Variants in BOLL observed in about 807,000 individuals in gnomAD.
BOLL encodes protein boule-like.
A neutral mutation model predicts 44.4 loss-of-function variants in BOLL; 23 were observed. The ratio of observed to expected loss-of-function variants is 0.52; its 90% CI spans 0.37 to 0.73. BOLL has a LOEUF of 0.73. Among genes scored for constraint, BOLL ranks in the 30% least tolerant of loss-of-function variants. The pLI is 0.00. For missense variants in BOLL, 287 were observed against 338.3 expected (o/e 0.85, Z 1.19); for synonymous variants, 97 against 110.8 (o/e 0.88, Z 0.78).
intron 7 of BOLL, chr2:197,759,059 C>A: frequency 1.4e-6 from 2 of 1,419,484 alleles, no homozygotes; most frequent in South Asian, 1.3e-5. Flanking sequence ...CCAGAGATGC[C>A]TAGCATTCAT....
chr2:197,728,906 CTTG>C (rs1686977793), intron 10 of BOLL, among the ~76,000 whole-genome samples: 1 of 152,166 alleles, frequency 6.6e-6, no homozygotes, highest in African/African-American at 2.4e-5. Context: ...GTCTTAAAAA[CTTG>C]TTTTTAAAAG....
At chr2:197,743,035 G>T in intron 10 of BOLL, 26 bp downstream of exon 10, 1 of 1,513,560 alleles carries the variant, frequency 6.6e-7, no homozygotes, top group Non-Finnish European at 8.9e-7. Context: ...GAAAAACAAA[G>T]TAAAAAGTCA....
At chr2:197,775,346 A>T (rs957948631) in intron 5 of BOLL, among the ~76,000 whole-genome samples, 8 of 151,878 alleles carry the variant, frequency 5.3e-5, no homozygotes, top group African/African-American at 1.9e-4. Context: ...CTCATTAGTA[A>T]GTCTAAATTA....
chr2:197,736,361 G>A (rs1167702292), intron 10 of BOLL, among the ~76,000 whole-genome samples: 1 of 152,042 alleles, frequency 6.6e-6, no homozygotes, highest in Non-Finnish European at 1.5e-5. Context: ...TGGAGAATAA[G>A]GAGACATGAC....
intron 1 of BOLL, 198 bp downstream of exon 1, chr2:197,784,858 A>G: frequency 1.0e-6 from 1 of 987,518 alleles, no homozygotes; most frequent in Non-Finnish European, 1.2e-6. Context: ...ATAATTCCGC[A>G]TGTGTTACGG....
At chr2:197,757,318 G>C in intron 8 of BOLL, 35 bp downstream of exon 8, 1 of 1,556,638 alleles carries the variant, frequency 6.4e-7, no homozygotes, top group Non-Finnish European at 8.8e-7. Flanking sequence ...AATGAAAGAA[G>C]GATTTAAAAT....
At chr2:197,785,436 C>T (rs376875398), upstream of BOLL, 14 of 955,460 alleles carry the variant, frequency 1.5e-5, no homozygotes, top group Non-Finnish European at 1.7e-5. This position sits in a 1 kb window ranked among gnomAD's most constrained non-coding sequence, Gnocchi z 6.7. Context: ...CTTCACTTCC[C>T]CAAGTCCACC....
At chr2:197,728,982 C>G (rs921588279) in intron 10 of BOLL, among the ~76,000 whole-genome samples, 1 of 152,098 alleles carries the variant, frequency 6.6e-6, no homozygotes, top group Non-Finnish European at 1.5e-5. Context: ...CCAAGATGGC[C>G]GAATAGGAAC....
intron 3 of BOLL, among the ~76,000 whole-genome samples, chr2:197,777,556 A>G (rs1689577459): frequency 6.6e-6 from 1 of 151,952 alleles, no homozygotes; most frequent in Admixed American, 6.6e-5. Context: ...TAAATGTATT[A>G]TTTAATTATT....
chr2:197,749,448 C>A lies in BOLL; in HGVS notation c.730-6289G>T, dbSNP rs779627710. ...GTAATAAACTCTTCCGAGCTAAAGG[C>A]GCATGTTCTAACCCAGTGCAAGGAA... On this transcript the variant is annotated intron_variant, in intron 9 of 10. Transcript: ENST00000392296. Among the ~76,000 whole-genome samples, 6 of 151,838 alleles carry A rather than the reference C, an allele frequency of 4.0e-5. No individual in the cohort carries two copies. In the East Asian group the frequency reaches 9.7e-4, roughly 25 times the overall value.
intron 7 of BOLL, among the ~76,000 whole-genome samples, chr2:197,761,820 A>C (rs971621799): frequency 7.2e-5 from 11 of 152,266 alleles, no homozygotes; most frequent in Middle Eastern, 3.4e-3. Flanking sequence ...ATCAGACAAA[A>C]CCAACTTCAA....
intron 3 of BOLL, among the ~76,000 whole-genome samples, chr2:197,777,730 C>T (rs1011557911): frequency 6.6e-6 from 1 of 151,676 alleles, no homozygotes; most frequent in African/African-American, 2.4e-5. Flanking sequence ...ATGATGTGCT[C>T]CATGTCCAAA....
chr2:197,769,225 C>T (rs1319169228), intron 6 of BOLL, among the ~76,000 whole-genome samples: 1 of 152,020 alleles, frequency 6.6e-6, no homozygotes, highest in Non-Finnish European at 1.5e-5. Flanking sequence ...GAAATAGCTT[C>T]AGAAGGAATG....
Position 197,781,880 on chromosome 2 carries a change from T to A in BOLL, c.-15-15A>T. ...TTTGATGTTTGCTGTAAAATAAAAT[T>A]CTTTTACACTTTTTGCACTGGGTAT... On this transcript the variant is annotated splice_polypyrimidine_tract_variant and intron_variant, in intron 1 of 10. Transcript: ENST00000392296. 6.4e-7 allele frequency: 1 copy of A among 1,574,048 alleles called. No individual in the cohort carries two copies. The highest frequency in any genetic ancestry group is 8.7e-7 in the Non-Finnish European group (1 of 1,152,936).
intron 7 of BOLL, 140 bp from the exon 8 acceptor site, chr2:197,757,540 CA>C: frequency 1.6e-6 from 1 of 621,436 alleles, no homozygotes; most frequent in Non-Finnish European, 2.7e-6. Context: ...AAAATTAACT[CA>C]AAATGGACCA....
intron 3 of BOLL, among the ~76,000 whole-genome samples, chr2:197,777,859 A>G (rs1689589401): frequency 6.6e-6 from 1 of 151,848 alleles, no homozygotes; most frequent in Non-Finnish European, 1.5e-5. Flanking sequence ...TATCTTCACT[A>G]TTTTCTTCAA....
At chr2:197,784,577 C>T (rs970653229) in intron 1 of BOLL, 10 of 277,782 alleles carry the variant, frequency 3.6e-5, no homozygotes, top group Admixed American at 2.0e-4. Flanking sequence ...ACTACAGGTG[C>T]GCACCACCAC....
At chr2:197,756,298 T>C in intron 9 of BOLL, 130 bp downstream of exon 9, 1 of 914,626 alleles carries the variant, frequency 1.1e-6, no homozygotes, top group South Asian at 2.6e-5. Context: ...GGGGAAGAGA[T>C]TTGAATAAAT....
At chr2:197,758,913 TA>T (rs1267344486) in intron 7 of BOLL, 4 of 1,524,980 alleles carry the variant, frequency 2.6e-6, no homozygotes, top group Non-Finnish European at 3.5e-6. Flanking sequence ...TTTTTAGATC[TA>T]AATGTTAGCC....
Sources: gnomAD v4.1 joint callset for allele counts (sites outside exome capture counted in the v4.1 genomes callset) on GRCh38, gnomAD v4.1.1 for gene constraint, Gnocchi (gnomAD v3.1) non-coding constraint, MANE v1.5 for transcripts, NCBI Gene and HGNC (gene_info 2026-07-23, HGNC 2026-07-21) for gene names.